Variants in SUCLA2 observed in about 807,000 individuals in gnomAD.
SUCLA2 encodes the protein succinate-CoA ligase ADP-forming subunit beta, also known as succinate--CoA ligase [ADP-forming] subunit beta, mitochondrial.
Under a neutral mutation model 54.8 loss-of-function variants are expected in SUCLA2, and 30 were observed. That is an observed-to-expected ratio of 0.55 (90% CI 0.41 to 0.74). SUCLA2 has a LOEUF of 0.74. Ranked by LOEUF, SUCLA2 falls within the 30% of genes least tolerant of loss-of-function variation. The probability of loss-of-function intolerance (pLI) is 0.00; values close to 1 mark genes in which losing one functional copy is unlikely to be tolerated. For missense variants in SUCLA2, 476 were observed against 562.9 expected, an observed-to-expected ratio of 0.85 and a Z score of 1.56; for synonymous variants, 172 against 188.9, an observed-to-expected ratio of 0.91 and a Z score of 0.74.
At chr13:47,955,406 T>C (rs888318296) in intron 6 of SUCLA2, among the ~76,000 whole-genome samples, 1 of 152,176 alleles carries the variant, frequency 6.6e-6, no homozygotes, top group Non-Finnish European at 1.5e-5. Flanking sequence ...TTTGCCATGT[T>C]GGCCAGGCTG....
chr13:47,963,410 G>A (rs1949888110), intron 6 of SUCLA2, among the ~76,000 whole-genome samples: 1 of 152,180 alleles, frequency 6.6e-6, no homozygotes, highest in Non-Finnish European at 1.5e-5. Flanking sequence ...TTGGGAGGCT[G>A]AAGCAGGCGG....
intron 4 of SUCLA2, among the ~76,000 whole-genome samples, chr13:47,976,384 A>G (rs1245136814): frequency 6.6e-6 from 1 of 152,128 alleles, no homozygotes; most frequent in Non-Finnish European, 1.5e-5. Flanking sequence ...ACCACTCCAA[A>G]CTAACATAGT....
intron 6 of SUCLA2, among the ~76,000 whole-genome samples, chr13:47,960,535 A>C (rs1247552214): frequency 6.6e-6 from 1 of 152,212 alleles, no homozygotes; most frequent in Non-Finnish European, 1.5e-5. Context: ...AATTCAATTC[A>C]ATCAATAATT....
In SUCLA2 at chr13:47,997,022, A is replaced by G; in HGVS notation, c.92T>C (p.Val31Ala). ...ATTAAACAATCCAGAACTTCCCAGAACCTAGAAAGATTGGGGACATATTTA... is the reference window on the plus strand; with the variant it reads ...ATTAAACAATCCAGAACTTCCCAGAGCCTAGAAAGATTGGGGACATATTTA... The part of the protein sequence containing the change: ...PRTAQRAAAQ[V>A]LGSSGLFNNH... Residue 31 changes from valine (V) to alanine (A), a missense_variant and splice_region_variant, in exon 2 of 11, where the codon GTT becomes GCT. This residue lies in a region of SUCLA2 where 134 missense variants were observed against 118.7 expected (regional missense o/e 1.13). Coordinates refer to ENST00000646932, the MANE Select transcript of SUCLA2 (RefSeq NM_003850.3). 1 of 1,614,062 alleles carries G rather than the reference A, an allele frequency of 6.2e-7. No individual in the cohort carries two copies. The highest frequency in any genetic ancestry group is 8.5e-7 in the Non-Finnish European group (1 of 1,179,992).
chr13:47,961,120 T>A (rs1949867325), intron 6 of SUCLA2, among the ~76,000 whole-genome samples: 1 of 152,208 alleles, frequency 6.6e-6, no homozygotes, highest in African/African-American at 2.4e-5. Flanking sequence ...TACCTTATGG[T>A]CAAACTGATT....
chr13:47,977,001 GAA>G lies in SUCLA2; in HGVS notation c.535-3611_535-3610del, dbSNP rs201766625. On this transcript the variant is annotated intron_variant, in intron 4 of 10. Transcript: ENST00000646932. The stretch of plus-strand genomic sequence containing the variant: ...GCAGAAATAAAAGAAACAAGGAACA[GAA>G]AAAAAAAAAATCAACAAAACTGCAT... Among the ~76,000 whole-genome samples, 4 of 132,398 alleles carry G rather than the reference GAA, an allele frequency of 3.0e-5. No individual in the cohort carries two copies. In the East Asian group the frequency reaches 8.7e-4, roughly 29 times the overall value. 86.9% of individuals were successfully genotyped at this position (132,398 alleles called of 152,430 possible).
chr13:47,948,459 ATCC>A (rs1257757048), intron 10 of SUCLA2, among the ~76,000 whole-genome samples: 1 of 151,986 alleles, frequency 6.6e-6, no homozygotes, highest in Non-Finnish European at 1.5e-5. Flanking sequence ...GACTCAAGCA[ATCC>A]TCCTGCCTCA....
chr13:47,989,770 T>C (rs990827435), intron 2 of SUCLA2, among the ~76,000 whole-genome samples: 1 of 152,208 alleles, frequency 6.6e-6, no homozygotes, highest in Non-Finnish European at 1.5e-5. Flanking sequence ...TTACCAGTAT[T>C]GATACTGATT....
chr13:47,966,528 A>T (rs1230395309), intron 6 of SUCLA2, among the ~76,000 whole-genome samples: 4 of 150,566 alleles, frequency 2.7e-5, no homozygotes, highest in Non-Finnish European at 4.4e-5. Context: ...CCGTTTTTAA[A>T]AAAAAAAAAA....
chr13:47,965,512 C>A (rs145718497), intron 6 of SUCLA2: 32,452 of 353,924 alleles, frequency 0.092, 1,340 homozygotes, highest in South Asian at 0.17. Flanking sequence ...AAAAAACAAA[C>A]AAACAAAAAA....
intron 6 of SUCLA2, among the ~76,000 whole-genome samples, chr13:47,955,285 T>A (rs936430573): frequency 5.3e-5 from 8 of 152,128 alleles, no homozygotes; most frequent in African/African-American, 1.9e-4. Context: ...CACTTCAACC[T>A]CCACCTCCCA....
rs149929505 is a variant in SUCLA2 at position 47,996,846 on chromosome 13, A to T, written c.268T>A (p.Leu90Ile). The T allele has an allele frequency of 1.2e-4, 195 of 1,612,870 alleles. No homozygotes were observed. Among genetic ancestry groups the T allele is most frequent in the Non-Finnish European group, 1.6e-4 (191 of 1,179,810 alleles). The stretch of plus-strand genomic sequence containing the variant: ...AAAGCTTTTCTTAATTTAGTACCTA[A>T]TTTTTTGGCAATTGCATAAGCTTCA... ...PDEAYAIAKK[L>I]GSKDVVIKAQ... Residue 90 changes from leucine (L) to isoleucine (I), a missense_variant, in exon 2 of 11, where the codon TTA (leucine) becomes ATA (isoleucine). This residue lies in a region of SUCLA2 where 134 missense variants were observed against 118.7 expected (regional missense o/e 1.13). Coordinates refer to ENST00000646932, the MANE Select transcript of SUCLA2 (RefSeq NM_003850.3).
At chr13:47,966,691 A>G (rs1949921548) in intron 6 of SUCLA2, among the ~76,000 whole-genome samples, 1 of 138,108 alleles carries the variant, frequency 7.2e-6, no homozygotes, top group Non-Finnish European at 1.6e-5. Context: ...ATTAATTCAG[A>G]AATTATTTTC....
chr13:47,988,455 T>C (rs1301786910), intron 4 of SUCLA2, 86 bp downstream of exon 4: 10 of 1,464,902 alleles, frequency 6.8e-6, no homozygotes, highest in Middle Eastern at 1.8e-4. Flanking sequence ...TTTAAAATCT[T>C]TCCCACATAA....
intron 2 of SUCLA2, among the ~76,000 whole-genome samples, chr13:47,990,762 G>A (rs1022518602): frequency 5.9e-5 from 9 of 152,180 alleles, no homozygotes; most frequent in African/African-American, 1.9e-4. Flanking sequence ...AGCAGAATGA[G>A]AGGAAGCTCC....
chr13:47,971,770 A>C (rs9534888), intron 5 of SUCLA2: 183,724 of 396,546 alleles, frequency 0.46, 46,953 homozygotes, highest in East Asian at 0.6. Context: ...TTTACAGAAA[A>C]TAAAGGGGAC....
In SUCLA2 at chr13:47,997,972, A is replaced by C. The variant is rs76687345; in HGVS notation, c.91-949T>G. 2.5e-3 allele frequency among the ~76,000 whole-genome samples: 381 copies of C among 152,266 alleles called. 1 individual carries two copies. The highest frequency in any genetic ancestry group is 8.6e-3 in the African/African-American group (358 of 41,544). ...CAAGTCACTCAGTTGATTCTTAAGA[A>C]CCCTACAGTTATGAGAACTACTAGT... On this transcript the variant is annotated intron_variant, in intron 1 of 10. Coordinates refer to ENST00000646932, the MANE Select transcript of SUCLA2 (RefSeq NM_003850.3).
At chr13:47,958,811 TAAGGA>T (rs1566083386) in intron 6 of SUCLA2, among the ~76,000 whole-genome samples, 1 of 152,226 alleles carries the variant, frequency 6.6e-6, no homozygotes, top group Non-Finnish European at 1.5e-5. Context: ...AAATGGTTAA[TAAGGA>T]AATAACTTTA....
At chr13:47,944,007 C>T (rs1949709638) in intron 10 of SUCLA2, among the ~76,000 whole-genome samples, 3 of 151,988 alleles carry the variant, frequency 2.0e-5, no homozygotes, top group African/African-American at 7.2e-5. Context: ...CTAAAAATAT[C>T]CACCAGTTAC....
Sources: gnomAD v4.1 joint callset for allele counts (sites outside exome capture counted in the v4.1 genomes callset) on GRCh38, gnomAD v4.1.1 for gene constraint, gnomAD v4.1.1 regional missense constraint, MANE v1.5 for transcripts, NCBI Gene and HGNC (gene_info 2026-07-23, HGNC 2026-07-21) for gene names.